ARHGEF3: variants seen among roughly 807,000 people sequenced by gnomAD.
ARHGEF3 encodes Rho guanine nucleotide exchange factor 3, also known as 59.8 kDA protein.
In ARHGEF3, 28 loss-of-function variants were observed where a neutral mutation model predicts 63.2. The observed-to-expected ratio is 0.44, with a 90% CI of 0.33 to 0.61. The LOEUF (loss-of-function observed/expected upper bound fraction) is 0.61, where lower values mean the gene tolerates loss of function less well. Among genes scored for constraint, ARHGEF3 ranks in the 20% least tolerant of loss-of-function variants. The probability of loss-of-function intolerance (pLI) is 0.03; values close to 1 mark genes in which losing one functional copy is unlikely to be tolerated. For missense variants in ARHGEF3, 533 were observed against 659.3 expected (o/e 0.81, Z 2.10); for synonymous variants, 266 against 254.2 (o/e 1.05, Z -0.44).
intron 3 of ARHGEF3, among the ~76,000 whole-genome samples, chr3:56,948,130 T>C (rs960473609): frequency 4.6e-5 from 7 of 151,472 alleles, no homozygotes; most frequent in African/African-American, 1.7e-4. Context: ...TTTAAAGCAG[T>C]GTGTAGAGGG....
In ARHGEF3 at chr3:56,810,810, A is replaced by G. The variant is rs74955668; in HGVS notation, c.193-36994T>C. Among the ~76,000 whole-genome samples, 659 of 152,332 alleles carry G rather than the reference A, an allele frequency of 4.3e-3. 2 individuals carry two copies. The highest frequency in any genetic ancestry group is 0.015 in the African/African-American group (612 of 41,576). Reference sequence around the variant, plus strand: ...ATCCCTAAGGCCCACTTTGGGTCCAATGAATTGGAATCTTTGGCAGCAGAC... The same window carrying G: ...ATCCCTAAGGCCCACTTTGGGTCCAGTGAATTGGAATCTTTGGCAGCAGAC... On this transcript the variant is annotated intron_variant, in intron 4 of 12. Transcript: ENST00000338458.
chr3:56,992,989 A>G (rs1437004576), intron 2 of ARHGEF3, among the ~76,000 whole-genome samples: 1 of 152,118 alleles, frequency 6.6e-6, no homozygotes, highest in Non-Finnish European at 1.5e-5. Flanking sequence ...GCATGCCGCC[A>G]TGCCTGGCTG....
At chr3:56,895,933 T>C (rs76601653) in intron 3 of ARHGEF3, among the ~76,000 whole-genome samples, 9,919 of 152,314 alleles carry the variant, frequency 0.065, 418 homozygotes, top group Middle Eastern at 0.17. Context: ...TAAATAATTC[T>C]GAAATTATCT....
At chr3:57,043,661 G>A (rs1403081925) in intron 1 of ARHGEF3, among the ~76,000 whole-genome samples, 1 of 152,094 alleles carries the variant, frequency 6.6e-6, no homozygotes, top group East Asian at 1.9e-4. Context: ...GAGCCTACCA[G>A]GTCAACAAGC....
intron 4 of ARHGEF3, among the ~76,000 whole-genome samples, chr3:56,849,126 C>T (rs1029085275): frequency 2.6e-5 from 4 of 152,200 alleles, no homozygotes; most frequent in African/African-American, 9.7e-5. Context: ...CCTCACTCAG[C>T]TCCTGCTGAC....
intron 1 of ARHGEF3, among the ~76,000 whole-genome samples, chr3:56,789,463 G>A (rs148826616): frequency 3.9e-4 from 59 of 152,326 alleles, no homozygotes; most frequent in Middle Eastern, 3.4e-3. Context: ...GTTGGCTAAC[G>A]TAGCACAGAT....
At chr3:56,945,556 TGCAAGGCAGCA>T (rs1289678830) in intron 3 of ARHGEF3, among the ~76,000 whole-genome samples, 4 of 151,122 alleles carry the variant, frequency 2.6e-5, no homozygotes, top group African/African-American at 7.3e-5. Flanking sequence ...GCAAGGCAGC[TGCAAGGCAGCA>T]GCAAGGCTGG....
intron 4 of ARHGEF3, among the ~76,000 whole-genome samples, chr3:56,807,491 T>G (rs2037905287): frequency 6.6e-6 from 1 of 152,226 alleles, no homozygotes; most frequent in Non-Finnish European, 1.5e-5. Context: ...TTGCTTTCCC[T>G]GGTATCTGAA....
In ARHGEF3 at chr3:56,755,107, G is replaced by C; in HGVS notation, c.249C>G (p.Ala83=). The C allele has an allele frequency of 1.2e-6, 2 of 1,613,994 alleles. No individual in the cohort carries two copies. The highest frequency in any genetic ancestry group is 1.7e-6 in the Non-Finnish European group (2 of 1,180,028). Residue 83 remains alanine (A), a synonymous_variant, in exon 3 of 10, where the codon GCC becomes GCG. Transcript: ENST00000296315. The stretch of plus-strand genomic sequence containing the variant: ...CGGCATTTCTGGACCAGGGTCGGGG[G>C]GCGAGGATGTCAGGGCGGCTCTCAC... ...FRSESRPDIL[A]PRPWSRNAAP... is the part of the protein sequence containing the mutation.
chr3:56,978,290 T>C (rs1348092795), intron 2 of ARHGEF3, among the ~76,000 whole-genome samples: 1 of 152,230 alleles, frequency 6.6e-6, no homozygotes, highest in Non-Finnish European at 1.5e-5. Context: ...TCTGGAATTA[T>C]CATTCCCATA....
At chr3:56,926,041 A>G (rs1260868030) in intron 3 of ARHGEF3, among the ~76,000 whole-genome samples, 1 of 152,200 alleles carries the variant, frequency 6.6e-6, no homozygotes, top group Non-Finnish European at 1.5e-5. Context: ...GCCAGAGGAG[A>G]CGCAGACCTG....
At chr3:57,073,682 T>C (rs766412067) in intron 1 of ARHGEF3, 1 of 1,600,664 alleles carries the variant, frequency 6.2e-7, no homozygotes, top group South Asian at 1.1e-5. Context: ...ATTCTGTTTT[T>C]GACTTGGGCC....
intron 4 of ARHGEF3, among the ~76,000 whole-genome samples, chr3:56,752,840 C>T (rs558782684): frequency 6.6e-6 from 1 of 152,310 alleles, no homozygotes; most frequent in Admixed American, 6.5e-5. Flanking sequence ...GGTGGAATTT[C>T]ATCTTAGCAG....
intron 2 of ARHGEF3, among the ~76,000 whole-genome samples, chr3:57,010,282 A>G (rs192626103): frequency 0.041 from 6,235 of 151,716 alleles, 157 homozygotes; most frequent in Admixed American, 0.07. Context: ...GTGAAACCCC[A>G]TCTCTACTAA....
chr3:56,737,180 C>T lies in ARHGEF3; in HGVS notation c.1041+5G>A. Reference sequence around the variant, plus strand: ...TAAGACTGCTTAAAGGGAGTAACTACTTACCACGCCCCGATTGTTCTTCAG... The same window carrying T: ...TAAGACTGCTTAAAGGGAGTAACTATTTACCACGCCCCGATTGTTCTTCAG... On this transcript the variant is annotated splice_donor_5th_base_variant and intron_variant, in intron 8 of 9. Coordinates refer to ENST00000296315, the MANE Select transcript of ARHGEF3 (RefSeq NM_019555.3). 1 of 1,612,246 alleles carries T rather than the reference C, an allele frequency of 6.2e-7. No homozygotes were observed. The highest frequency in any genetic ancestry group is 2.2e-5 in the East Asian group (1 of 44,860).
intron 1 of ARHGEF3, among the ~76,000 whole-genome samples, chr3:57,054,602 G>A (rs1221187071): frequency 6.6e-6 from 1 of 150,504 alleles, no homozygotes; most frequent in African/African-American, 2.4e-5. Flanking sequence ...TCACACCACT[G>A]CACTCCAGCC....
chr3:56,753,171 C>T (rs1478016607), intron 4 of ARHGEF3, among the ~76,000 whole-genome samples: 1 of 152,214 alleles, frequency 6.6e-6, no homozygotes, highest in Non-Finnish European at 1.5e-5. Flanking sequence ...CAGACATGCA[C>T]ACATTCTCTC....
intron 1 of ARHGEF3, among the ~76,000 whole-genome samples, chr3:56,793,885 T>C (rs190122412): frequency 4.6e-5 from 7 of 152,372 alleles, no homozygotes; most frequent in Admixed American, 3.9e-4. Context: ...TGTACTTCTC[T>C]TGTCTAAAGA....
intron 2 of ARHGEF3, among the ~76,000 whole-genome samples, chr3:56,974,047 C>T (rs1701028851): frequency 6.6e-6 from 1 of 152,150 alleles, no homozygotes; most frequent in South Asian, 2.1e-4. Flanking sequence ...GATCGCACCA[C>T]TGCACTCCAG....
Sources: allele counts gnomAD v4.1 joint callset (sites outside exome capture counted in the v4.1 genomes callset), GRCh38; gene constraint gnomAD v4.1.1; transcripts MANE v1.5; gene names NCBI Gene and HGNC (gene_info 2026-07-23, HGNC 2026-07-21).